Variants in ACOX2 observed in about 807,000 individuals in gnomAD.
The protein encoded by ACOX2 is peroxisomal acyl-coenzyme A oxidase 2.
Under a neutral mutation model 77.5 loss-of-function variants are expected in ACOX2, and 59 were observed. The ratio of observed to expected loss-of-function variants is 0.76; its 90% confidence interval spans 0.62 to 0.95. The LOEUF (loss-of-function observed/expected upper bound fraction) is 0.95. Ranked by LOEUF, ACOX2 falls within the 40% of genes least tolerant of loss-of-function variation. The pLI is 0.00. For synonymous variants in ACOX2, 317 were observed against 340.1 expected, an observed-to-expected ratio of 0.93 and a Z score of 0.75; for missense variants, 837 against 880.4, an observed-to-expected ratio of 0.95 and a Z score of 0.62.
rs779343821 is a variant in ACOX2, at chr3:58,517,231, A to G, written c.1825T>C (p.Tyr609His). The G allele has an allele frequency of 6.2e-7, 1 of 1,614,050 alleles. No homozygotes were observed. The highest frequency in any genetic ancestry group is 8.5e-7 in the Non-Finnish European group (1 of 1,179,982). Residue 609 changes from tyrosine (Y) to histidine (H), a missense_variant, in exon 13 of 15, where the codon TAC (tyrosine) becomes CAC (histidine). Coordinates refer to ENST00000302819, the MANE Select transcript of ACOX2 (RefSeq NM_003500.4). ...GAQVDMARTAYLDLLRLIRKD... is the reference protein window; with the variant it reads ...GAQVDMARTAHLDLLRLIRKD... ...CGGATCAGGCGGAGCAGGTCCAGGT[A>G]GGCTGTTCTTGCCATGTCCACTTGG...
Position 58,534,406 on chromosome 3 carries a change from G to C in ACOX2, c.277C>G (p.Arg93Gly), listed in dbSNP as rs138799827. 1 of 1,614,168 alleles carries C rather than the reference G, an allele frequency of 6.2e-7. No individual in the cohort carries two copies. The highest frequency in any genetic ancestry group is 1.1e-5 in the South Asian group (1 of 91,082). ...CGACCATCTTCTAACCAACCCAGGC[G>C]CCGAGCTATCAACCGGATGTGGAAT... ...RAFHIRLIAR[R>G]LGWLEDGREL... Residue 93 changes from arginine (R) to glycine (G), a missense_variant, in exon 3 of 15, where the codon CGC becomes GGC. By Grantham distance (125) the Arg-to-Gly change is moderately radical. Coordinates refer to ENST00000302819, the MANE Select transcript of ACOX2 (RefSeq NM_003500.4). The surrounding 1 kb of genome is among the most constrained non-coding windows in gnomAD (Gnocchi z 4.8).
At position 58,508,542 on chromosome 3, in the gene ACOX2, G is replaced by A. The variant is rs578197754; in HGVS notation, c.1983+351C>T. ...CTGAAAATAAGGTGGTTCAATTACC[G>A]CAGTGATTTATCTCCTTCTTTTTGT... On this transcript the variant is annotated intron_variant, in intron 14 of 14. Transcript: ENST00000302819. Among the ~76,000 whole-genome samples the A allele has an allele frequency of 1.4e-4, 21 of 152,234 alleles. No individual in the cohort carries two copies. The South Asian group carries it at 4.1e-3, about 30-fold the overall frequency.
chr3:58,510,906 G>T lies in ACOX2; in HGVS notation c.1851-1881C>A, dbSNP rs143857390. 20 of 450,604 alleles carry T rather than the reference G, an allele frequency of 4.4e-5. No individual in the cohort carries two copies. In the Middle Eastern group the frequency reaches 1.6e-3, roughly 37 times the overall value. 27.9% of individuals were successfully genotyped at this position (450,604 alleles called of 1,614,324 possible). A position where few individuals can be genotyped will look rare whatever the true frequency, so the allele number is the denominator to read the frequency against. Reference sequence around the variant, plus strand: ...TCAAGTGGGCCCTGATTGCAGCTCAGCAATCGTATTACATTGCTATATTTA... The same window carrying T: ...TCAAGTGGGCCCTGATTGCAGCTCATCAATCGTATTACATTGCTATATTTA... On this transcript the variant is annotated intron_variant, in intron 13 of 14. Coordinates refer to ENST00000302819, the MANE Select transcript of ACOX2 (RefSeq NM_003500.4).
intron 13 of ACOX2, chr3:58,511,726 CA>C (rs946990089): frequency 3.3e-5 from 5 of 152,286 alleles, no homozygotes; most frequent in African/African-American, 1.2e-4. Flanking sequence ...TACAAACAGA[CA>C]ATCATTTCTC....
Position 58,533,400 on chromosome 3 carries a change from T to G in ACOX2, c.583+45A>C. 1 of 1,552,180 alleles carries G rather than the reference T, an allele frequency of 6.4e-7. No individual in the cohort carries two copies. Among genetic ancestry groups the G allele is most frequent in the Non-Finnish European group, 8.9e-7 (1 of 1,125,604 alleles). ...AGTGCTACTCTGCCCTCCAACATTC[T>G]TCTACTTGGGGAGAGTTAAGGAAGG... On this transcript the variant is annotated intron_variant, in intron 5 of 14. Coordinates refer to ENST00000302819, the MANE Select transcript of ACOX2 (RefSeq NM_003500.4). The surrounding 1 kb of genome is among the most constrained non-coding windows in gnomAD (Gnocchi z 5.6).
Position 58,526,859 on chromosome 3 carries a change from G to T in ACOX2, c.1156-203C>A. 1.8e-6 allele frequency: 1 copy of T among 560,608 alleles called. No homozygotes were observed. Among genetic ancestry groups the T allele is most frequent in the South Asian group, 2.3e-5 (1 of 42,890 alleles). 34.7% of individuals were successfully genotyped at this position (560,608 alleles called of 1,614,324 possible). A position where few individuals can be genotyped will look rare whatever the true frequency, so the allele number is the denominator to read the frequency against. On this transcript the variant is annotated intron_variant, in intron 9 of 14. Coordinates refer to ENST00000302819, the MANE Select transcript of ACOX2 (RefSeq NM_003500.4). This position sits in a 1 kb window ranked among gnomAD's most constrained non-coding sequence, Gnocchi z 4.3. The stretch of plus-strand genomic sequence containing the variant: ...CAGAGGCACACAATTAGGCAATGTA[G>T]CTGTAGGGGCATAAGAGTGAAGGAA...
chr3:58,513,037 T>C (rs1473840560), intron 13 of ACOX2, among the ~76,000 whole-genome samples: 2 of 152,224 alleles, frequency 1.3e-5, no homozygotes, highest in East Asian at 3.9e-4. Flanking sequence ...CAACAGCTTC[T>C]CCCTACCTTC....
chr3:58,511,140 A>T (rs999760619), intron 13 of ACOX2: 13 of 442,538 alleles, frequency 2.9e-5, no homozygotes, highest in African/African-American at 2.4e-4. Flanking sequence ...TCAGGCTCTC[A>T]GCTCAGGCCT....
Position 58,533,569 on chromosome 3 carries a change from G to C in ACOX2, c.476-17C>G, listed in dbSNP as rs1212142285. 1.3e-5 allele frequency: 21 copies of C among 1,612,078 alleles called. No homozygotes were observed. The highest frequency in any genetic ancestry group is 1.6e-5 in the Non-Finnish European group (19 of 1,178,422). On this transcript the variant is annotated splice_polypyrimidine_tract_variant and intron_variant, in intron 4 of 14. Transcript: ENST00000302819. This position sits in a 1 kb window ranked among gnomAD's most constrained non-coding sequence, Gnocchi z 5.6. ...GATATGTCCCTTAGGATCAAGGAGAGGTGTTAGACATTGGCCTGAGGTGGG... is the reference window on the plus strand; with the variant it reads ...GATATGTCCCTTAGGATCAAGGAGACGTGTTAGACATTGGCCTGAGGTGGG...
chr3:58,533,978 A>C lies in ACOX2; in HGVS notation c.475+16T>G, dbSNP rs771730913. The C allele has an allele frequency of 9.9e-6, 16 of 1,613,988 alleles. No homozygotes were observed. The highest frequency in any genetic ancestry group is 1.3e-5 in the Non-Finnish European group (15 of 1,179,926). On this transcript the variant is annotated intron_variant, in intron 4 of 14. Transcript: ENST00000302819. This position sits in a 1 kb window ranked among gnomAD's most constrained non-coding sequence, Gnocchi z 5.6. ...AGTGCACAACCTAAACACCACACGCAGCAGTCCTAGCTCACCATGTCCCAA... is the reference window on the plus strand; with the variant it reads ...AGTGCACAACCTAAACACCACACGCCGCAGTCCTAGCTCACCATGTCCCAA...
In ACOX2 at chr3:58,508,950, A is replaced by G. The variant is rs1475778667; in HGVS notation, c.1926T>C (p.Asp642=). The G allele has an allele frequency of 3.1e-6, 5 of 1,614,106 alleles. No individual in the cohort carries two copies. Among genetic ancestry groups the G allele is most frequent in the East Asian group, 2.2e-5 (1 of 44,894 alleles). Residue 642 remains aspartate, a synonymous_variant, in exon 14 of 15, where the codon GAT becomes GAC. Coordinates refer to ENST00000302819, the MANE Select transcript of ACOX2 (RefSeq NM_003500.4). ...GGAACAGGCGTTCGTAGACGTTTCC[A>G]TCATAACAGCCAAGTGCTGAATTTA... ...QCLNSALGCY[D]GNVYERLFQW...
chr3:58,517,547 G>A, intron 12 of ACOX2, 124 bp from the exon 13 acceptor site: 1 of 697,536 alleles, frequency 1.4e-6, no homozygotes. Flanking sequence ...AGGCTGATGA[G>A]CAGCTGCCTT....
Position 58,517,525 on chromosome 3 carries a change from G to A in ACOX2, c.1633-102C>T. The A allele has an allele frequency of 3.5e-6, 4 of 1,148,156 alleles. No homozygotes were observed. The Admixed American group carries it at 5.7e-5, about 16-fold the overall frequency. The allele number at this position is 1,148,156 out of a possible 1,614,324, so 71.1% of individuals were successfully genotyped here. ...GGCTGGAATAAACTTGAGGCATGAT[G>A]TGCTTCCCAGCAGGCTGATGAGCAG... is the stretch of plus-strand genomic sequence containing the variant. On this transcript the variant is annotated intron_variant, in intron 12 of 14. Coordinates refer to ENST00000302819, the MANE Select transcript of ACOX2 (RefSeq NM_003500.4).
rs377293028 is a variant in ACOX2, at chr3:58,505,347, C to T, written c.1984-61G>A. The stretch of plus-strand genomic sequence containing the variant: ...CATTTCTGCCAGGATTAATGACTTT[C>T]ACTTTCAAATTAAGTCTCTAGCTTC... On this transcript the variant is annotated intron_variant, in intron 14 of 14. Coordinates refer to ENST00000302819, the MANE Select transcript of ACOX2 (RefSeq NM_003500.4). The surrounding 1 kb of genome is among the most constrained non-coding windows in gnomAD (Gnocchi z 4.4). 68 of 1,379,224 alleles carry T rather than the reference C, an allele frequency of 4.9e-5. 1 individual carries two copies. The highest frequency in any genetic ancestry group is 4.5e-4 in the Admixed American group (21 of 46,352). The allele number at this position is 1,379,224 out of a possible 1,614,324, so 85.4% of individuals were successfully genotyped here.
At chr3:58,530,271 G>A (rs2063427505) in intron 8 of ACOX2, among the ~76,000 whole-genome samples, 195 bp downstream of exon 8, 1 of 152,212 alleles carries the variant, frequency 6.6e-6, no homozygotes, top group Non-Finnish European at 1.5e-5. Context: ...CCTGTTAGAG[G>A]CAGCCAGAGA....
At chr3:58,511,246 G>A (rs565292934) in intron 13 of ACOX2, 3 of 319,546 alleles carry the variant, frequency 9.4e-6, no homozygotes, top group East Asian at 9.7e-5. Flanking sequence ...TCCCCTCAGG[G>A]GTAAAAAGTT....
chr3:58,522,823 T>C lies in ACOX2; in HGVS notation c.1527-222A>G, dbSNP rs961107425. On this transcript the variant is annotated intron_variant, in intron 11 of 14. Transcript: ENST00000302819. This position sits in a 1 kb window ranked among gnomAD's most constrained non-coding sequence, Gnocchi z 4.3. ...TGAGTCCCAGAGAGGTTAACCAATT[T>C]GTCCAGGGTCACACAGCTAGTAAGG... 4 of 500,526 alleles carry C rather than the reference T, an allele frequency of 8.0e-6. No individual in the cohort carries two copies. Among genetic ancestry groups the C allele is most frequent in the African/African-American group, 3.9e-5 (2 of 51,538 alleles). 31.0% of individuals were successfully genotyped at this position (500,526 alleles called of 1,614,324 possible).
rs1480847342 is a variant in ACOX2 at position 58,525,980 on chromosome 3, G to A, written c.1346+486C>T. On this transcript the variant is annotated intron_variant, in intron 10 of 14. Transcript: ENST00000302819. The surrounding 1 kb of genome is among the most constrained non-coding windows in gnomAD (Gnocchi z 5.0). ...TGCAGTGAGCCGAGATTGCACCACT[G>A]CACTCCAGCCTGGGTGACAGTGAGA... is the stretch of plus-strand genomic sequence containing the variant. Among the ~76,000 whole-genome samples, 5 of 151,956 alleles carry A rather than the reference G, an allele frequency of 3.3e-5. No individual in the cohort carries two copies. The highest frequency in any genetic ancestry group is 5.9e-5 in the Non-Finnish European group (4 of 67,994).
At position 58,524,612 on chromosome 3, in the gene ACOX2, G is replaced by A; in HGVS notation, c.1347-7C>T. ...GTAGCTCTTCACCAGGAACCTGGGG[G>A]TTGGAAGAGGAGGCAGGTGAGAGGG... On this transcript the variant is annotated splice_region_variant and splice_polypyrimidine_tract_variant and intron_variant, in intron 10 of 14. Coordinates refer to ENST00000302819, the MANE Select transcript of ACOX2 (RefSeq NM_003500.4). The surrounding 1 kb of genome is among the most constrained non-coding windows in gnomAD (Gnocchi z 5.5). The A allele has an allele frequency of 1.2e-6, 2 of 1,613,408 alleles. No homozygotes were observed. Among genetic ancestry groups the A allele is most frequent in the Non-Finnish European group, 1.7e-6 (2 of 1,179,862 alleles).
Sources: gnomAD v4.1 joint callset for allele counts (sites outside exome capture counted in the v4.1 genomes callset) on GRCh38, gnomAD v4.1.1 for gene constraint, Gnocchi (gnomAD v3.1) non-coding constraint, MANE v1.5 for transcripts, NCBI Gene and HGNC (gene_info 2026-07-23, HGNC 2026-07-21) for gene names.